Variants in ZNF75D observed in about 807,000 individuals in gnomAD.
ZNF75D encodes the protein zinc finger protein 75.
ZNF75D carries 33 observed loss-of-function variants against 33.3 expected under a neutral mutation model. The ratio of observed to expected loss-of-function variants is 0.99; its 90% CI spans 0.75 to 1.32. The LOEUF (loss-of-function observed/expected upper bound fraction) is 1.32, where lower values mean the gene tolerates loss of function less well. Ranked by LOEUF, ZNF75D falls within the 40% of genes most tolerant of loss-of-function variation. The probability of loss-of-function intolerance (pLI) is 0.00; values close to 1 mark genes in which losing one functional copy is unlikely to be tolerated. For missense variants in ZNF75D, 338 were observed against 367.5 expected (o/e 0.92, Z 0.66); for synonymous variants, 113 against 130.6 (o/e 0.87, Z 0.92).
intron 3 of ZNF75D, chrX:135,249,395 G>A (rs1240795160): frequency 1.2e-5 from 3 of 241,764 alleles, no homozygotes; most frequent in Non-Finnish European, 2.3e-5. Context: ...ACACACATGC[G>A]TGCATGTGCA....
chrX:135,283,202 C>G (rs1569487517), downstream of ZNF75D, among the ~76,000 whole-genome samples: 1 of 111,803 alleles, frequency 8.9e-6, no homozygotes, highest in Non-Finnish European at 1.9e-5. Context: ...GGCTCCTGAC[C>G]TCTCCCTTTA....
At position 135,294,053 on chromosome X, in the gene ZNF75D, A is replaced by C. The variant is rs1556422106; in HGVS notation, c.88T>G (p.Ser30Ala). 3 of 1,210,944 alleles carry C rather than the reference A, an allele frequency of 2.5e-6. No individual in the cohort carries two copies. The highest frequency in any genetic ancestry group is 3.4e-6 in the Non-Finnish European group (3 of 894,718). ...WETSGSVKEN[S>A]SQSKKYSTKI... ...GTGCTGTATTTCTTACTCTGACTGG[A>C]GTTCTCTTTCACAGACCCACTAGTC... Residue 30 changes from serine to alanine, a missense_variant, in exon 3 of 7, where the codon TCC (serine) becomes GCC (alanine). By Grantham distance (99) the Ser-to-Ala change is moderately conservative (BLOSUM62 1). Coordinates refer to ENST00000370766, the MANE Select transcript of ZNF75D (RefSeq NM_007131.5).
Position 135,286,905 on chromosome X carries a change from C to T in ZNF75D, c.*232G>A. 2 of 390,985 alleles carry T rather than the reference C, an allele frequency of 5.1e-6. No individual in the cohort carries two copies. The highest frequency in any genetic ancestry group is 8.7e-6 in the Non-Finnish European group (2 of 229,432). The allele number at this position is 390,985 out of a possible 1,213,427, so 32.2% of individuals were successfully genotyped here. On this transcript the variant is annotated 3_prime_UTR_variant, in exon 7 of 7. Transcript: ENST00000370766. Reference sequence around the variant, plus strand: ...TATAGATAGATAGCTAAAGGAATCTCATCACTACACTTTCATTTTTTTATT... The same window carrying T: ...TATAGATAGATAGCTAAAGGAATCTTATCACTACACTTTCATTTTTTTATT...
At chrX:135,257,670 T>C (rs983429901) in intron 1 of ZNF75D, among the ~76,000 whole-genome samples, 8 of 111,965 alleles carry the variant, frequency 7.1e-5, no homozygotes, top group Non-Finnish European at 1.1e-4. Flanking sequence ...GTCCCAGTGG[T>C]GGTAGCCACA....
In ZNF75D at chrX:135,306,288, T is replaced by TACACACACAC. The variant is rs57049630; in HGVS notation, c.-390-10259_-390-10250dup. ...AGGAAGACAGGACAACAGAGATACA[T>TACACACACAC]ACACACACACACACACACACACACA... is the stretch of plus-strand genomic sequence containing the variant. On this transcript the variant is annotated intron_variant, in intron 1 of 6. Coordinates refer to ENST00000370766, the MANE Select transcript of ZNF75D (RefSeq NM_007131.5). Among the ~76,000 whole-genome samples the TACACACACAC allele has an allele frequency of 2.2e-3, 183 of 83,223 alleles. 1 individual carries two copies. The highest frequency in any genetic ancestry group is 0.014 in the Admixed American group (106 of 7,353). The allele number at this position is 83,223 out of a possible 115,157, so 72.3% of individuals were successfully genotyped here.
At chrX:135,318,971 T>C in intron 1 of ZNF75D, among the ~76,000 whole-genome samples, 1 of 112,306 alleles carries the variant, frequency 8.9e-6, no homozygotes, top group African/African-American at 3.2e-5. Flanking sequence ...AGTCACAGAC[T>C]GGTCATTCTG....
chrX:135,287,163 C>T lies in ZNF75D; in HGVS notation c.1507G>A (p.Glu503Lys), dbSNP rs1556419684. ...CAGTTTGGAGACACTAGACATGCTT[C>T]CCTTCTTCTGTGGAGTTTCTGGTGT... is the stretch of plus-strand genomic sequence containing the variant. ...LRHQKLHRRR[E>K]ACLVSPN Residue 503 changes from glutamate to lysine, a missense_variant, in exon 7 of 7, where the codon GAA becomes AAA. Physicochemically the swap from Glu to Lys is moderately conservative, Grantham distance 56. This residue lies in a region of ZNF75D where 79 missense variants were observed against 80.1 expected (regional missense o/e 0.99). Coordinates refer to ENST00000370766, the MANE Select transcript of ZNF75D (RefSeq NM_007131.5). 8.3e-7 allele frequency: 1 copy of T among 1,208,117 alleles called. No individual in the cohort carries two copies. The highest frequency in any genetic ancestry group is 1.8e-5 in the South Asian group (1 of 55,943).
chrX:135,308,231 C>G (rs1451392859), intron 1 of ZNF75D, among the ~76,000 whole-genome samples: 2 of 112,309 alleles, frequency 1.8e-5, no homozygotes, highest in Non-Finnish European at 3.8e-5. Context: ...CGTGACTTCA[C>G]TTGGTTCTGA....
chrX:135,332,995 TAAG>T (rs1320929748), intron 1 of ZNF75D, among the ~76,000 whole-genome samples: 1 of 111,338 alleles, frequency 9.0e-6, no homozygotes, highest in African/African-American at 3.3e-5. Context: ...CTGGGGAAAT[TAAG>T]TAGTCTCTAA....
At chrX:135,270,372 TA>T (rs2083878470) in intron 1 of ZNF75D, among the ~76,000 whole-genome samples, 3 of 91,943 alleles carry the variant, frequency 3.3e-5, no homozygotes, top group Non-Finnish European at 6.7e-5. Flanking sequence ...TATATATATA[TA>T]TATATATATA....
intron 1 of ZNF75D, among the ~76,000 whole-genome samples, chrX:135,275,613 C>T (rs2083896880): frequency 9.1e-6 from 1 of 110,180 alleles, no homozygotes; most frequent in South Asian, 3.7e-4. Flanking sequence ...TTTCCTCTGG[C>T]GTTGCTTGTG....
chrX:135,281,955 G>T (rs1556418599), downstream of ZNF75D, among the ~76,000 whole-genome samples: 1 of 112,490 alleles, frequency 8.9e-6, no homozygotes. Context: ...TCCCAGTCAT[G>T]AGGCATGGGG....
At chrX:135,311,759 T>C (rs2084361454) in intron 1 of ZNF75D, among the ~76,000 whole-genome samples, 1 of 112,195 alleles carries the variant, frequency 8.9e-6, no homozygotes, top group Non-Finnish European at 1.9e-5. Flanking sequence ...TTCAACTTTT[T>C]AGACTCCACA....
At chrX:135,294,796 C>T (rs186393275) in intron 2 of ZNF75D, among the ~76,000 whole-genome samples, 1 of 111,623 alleles carries the variant, frequency 9.0e-6, no homozygotes, top group African/African-American at 3.3e-5. Context: ...GGTAGGAGAA[C>T]TGAGACAGCA....
chrX:135,291,060 T>C lies in ZNF75D; in HGVS notation c.772A>G (p.Thr258Ala). The part of the protein sequence containing the change: ...EWQLLNPLEK[T>A]LYNDVMQDIY... ...TCCTGCATTACATCATTGTAGAGAGTCTTCTCAAGAGGATTCAATAATTGC... is the reference window on the plus strand; with the variant it reads ...TCCTGCATTACATCATTGTAGAGAGCCTTCTCAAGAGGATTCAATAATTGC... The change falls in exon 6 of 7, where the codon ACT (threonine) becomes GCT (alanine). Residue 258 changes from threonine to alanine, a missense_variant. By Grantham distance (58) the Thr-to-Ala change is moderately conservative. Coordinates refer to ENST00000370766, the MANE Select transcript of ZNF75D (RefSeq NM_007131.5). 1 of 1,206,494 alleles carries C rather than the reference T, an allele frequency of 8.3e-7. No homozygotes were observed. The highest frequency in any genetic ancestry group is 1.1e-6 in the Non-Finnish European group (1 of 891,128).
At chrX:135,316,699 G>A (rs188264203) in intron 1 of ZNF75D, among the ~76,000 whole-genome samples, 1,122 of 109,864 alleles carry the variant, frequency 0.01, 14 homozygotes, top group African/African-American at 0.035. Context: ...TTTTATTTTT[G>A]TCCAGGTTAT....
rs782079826 is a variant in ZNF75D, at chrX:135,261,608, A to C, written n.828-5831T>G. Among the ~76,000 whole-genome samples, 374 of 111,604 alleles carry C rather than the reference A, an allele frequency of 3.4e-3. 2 individuals are homozygous for C. Among genetic ancestry groups the C allele is most frequent in the Non-Finnish European group, 4.8e-3 (256 of 53,133 alleles). On this transcript the variant is annotated intron_variant and non_coding_transcript_variant, in intron 1 of 3. Coordinates refer to the ZNF75D transcript ENST00000494295. Reference sequence around the variant, plus strand: ...TTTAAAGTCTGTTTTATCAGAGAGTAGGGTTGCAACCCCTGCTTTTTTTTG... The same window carrying C: ...TTTAAAGTCTGTTTTATCAGAGAGTCGGGTTGCAACCCCTGCTTTTTTTTG...
intron 1 of ZNF75D, among the ~76,000 whole-genome samples, chrX:135,271,879 G>A (rs1004144667): frequency 9.0e-6 from 1 of 111,721 alleles, no homozygotes; most frequent in Non-Finnish European, 1.9e-5. Context: ...TACTCACATG[G>A]TGATGGCATG....
intron 3 of ZNF75D, chrX:135,249,448 G>A (rs2083772848): frequency 4.9e-6 from 1 of 206,103 alleles, no homozygotes; most frequent in Admixed American, 6.6e-5. Flanking sequence ...GTGGCAACTT[G>A]TGATTTTTAA....
Sources: allele counts gnomAD v4.1 joint callset (sites outside exome capture counted in the v4.1 genomes callset), GRCh38; gene constraint gnomAD v4.1.1; regional missense constraint gnomAD v4.1.1; transcripts MANE v1.5; gene names NCBI Gene and HGNC (gene_info 2026-07-23, HGNC 2026-07-21).